GPC6: variants seen among roughly 807,000 people sequenced by gnomAD.
The protein encoded by GPC6 is glypican-6.
In GPC6, 14 loss-of-function variants were observed where a neutral mutation model predicts 55.2. The observed-to-expected ratio is 0.25, with a 90% CI of 0.17 to 0.40. GPC6 has a LOEUF of 0.40. GPC6 is among the 10% of genes least tolerant of loss of function. GPC6 has a pLI of 1.00. For missense variants in GPC6, 641 were observed against 708.5 expected (o/e 0.90, Z 1.08); for synonymous variants, 278 against 259.6 (o/e 1.07, Z -0.68).
intron 4 of GPC6, among the ~76,000 whole-genome samples, chr13:94,037,292 A>G (rs1883371877): frequency 6.6e-6 from 1 of 151,960 alleles, no homozygotes. Context: ...TTGGTGACCC[A>G]GTTTAACATG....
chr13:94,023,105 G>A (rs1882764201), intron 3 of GPC6, among the ~76,000 whole-genome samples: 1 of 151,614 alleles, frequency 6.6e-6, no homozygotes, highest in African/African-American at 2.4e-5. Flanking sequence ...TTCTAAAGAG[G>A]GATTGTGTTC....
chr13:93,710,688 TCCC>T (rs150119808), intron 2 of GPC6, among the ~76,000 whole-genome samples: 1 of 141,238 alleles, frequency 7.1e-6, no homozygotes, highest in African/African-American at 2.7e-5. Context: ...TCATTTAAAG[TCCC>T]CCCCCCCAAA....
chr13:94,096,416 A>C (rs1885660196), intron 4 of GPC6, among the ~76,000 whole-genome samples: 1 of 152,134 alleles, frequency 6.6e-6, no homozygotes, highest in Non-Finnish European at 1.5e-5. Context: ...TAATGAATGA[A>C]TCCTGCCCTT....
intron 4 of GPC6, among the ~76,000 whole-genome samples, chr13:94,102,263 G>A (rs1885891413): frequency 6.6e-6 from 1 of 152,096 alleles, no homozygotes; most frequent in East Asian, 1.9e-4. Context: ...TCCCAAAGCT[G>A]TGTTTAGGTA....
At chr13:94,359,715 C>A (rs924367355) in intron 6 of GPC6, among the ~76,000 whole-genome samples, 1 of 151,892 alleles carries the variant, frequency 6.6e-6, no homozygotes, top group Non-Finnish European at 1.5e-5. Context: ...TGCTTAGCTA[C>A]CAAATCTATT....
chr13:94,318,664 T>C (rs1354616317), intron 6 of GPC6, among the ~76,000 whole-genome samples: 2 of 152,190 alleles, frequency 1.3e-5, no homozygotes, highest in African/African-American at 4.8e-5. Context: ...ATTTTTGAAC[T>C]GCATTTGAAA....
At chr13:93,338,724 A>G (rs1880129649) in intron 1 of GPC6, among the ~76,000 whole-genome samples, 1 of 152,130 alleles carries the variant, frequency 6.6e-6, no homozygotes, top group Non-Finnish European at 1.5e-5. Flanking sequence ...ATGAATGATT[A>G]CCTCTGAATT....
At chr13:93,542,955 T>A (rs562733729) in intron 1 of GPC6, among the ~76,000 whole-genome samples, 3 of 152,314 alleles carry the variant, frequency 2.0e-5, no homozygotes, top group African/African-American at 7.2e-5. Flanking sequence ...AGATATACAG[T>A]CATGTCTTCT....
intron 1 of GPC6, among the ~76,000 whole-genome samples, chr13:93,400,412 AATC>A (rs778187782): frequency 6.6e-6 from 1 of 151,874 alleles, no homozygotes; most frequent in Non-Finnish European, 1.5e-5. Context: ...GGATGAAATA[AATC>A]ATCATAGAAA....
intron 3 of GPC6, among the ~76,000 whole-genome samples, chr13:93,942,134 T>C (rs1457008816): frequency 6.6e-6 from 1 of 152,202 alleles, no homozygotes; most frequent in East Asian, 1.9e-4. Context: ...CCCTAATTCA[T>C]GGTAGTAGAA....
intron 4 of GPC6, among the ~76,000 whole-genome samples, chr13:94,073,141 G>A (rs528514966): frequency 1.3e-5 from 2 of 152,204 alleles, no homozygotes; most frequent in African/African-American, 4.8e-5. Context: ...CATCTGCATT[G>A]AATGGCCAAA....
At chr13:93,610,871 G>A (rs933557264) in intron 2 of GPC6, among the ~76,000 whole-genome samples, 1 of 151,898 alleles carries the variant, frequency 6.6e-6, no homozygotes. Flanking sequence ...TTATGATTGG[G>A]AAAACACTCA....
At chr13:93,899,393 G>A (rs986044963) in intron 3 of GPC6, among the ~76,000 whole-genome samples, 6 of 151,486 alleles carry the variant, frequency 4.0e-5, no homozygotes, top group Admixed American at 2.6e-4. Flanking sequence ...GAACCAGAGT[G>A]AAACTTAAGC....
chr13:93,702,573 C>A (rs527421741), intron 2 of GPC6, among the ~76,000 whole-genome samples: 1 of 152,102 alleles, frequency 6.6e-6, no homozygotes, highest in East Asian at 1.9e-4. Context: ...CTGTGAATGT[C>A]CTCGATGGCA....
intron 4 of GPC6, among the ~76,000 whole-genome samples, chr13:94,112,349 C>G (rs1401072278): frequency 6.6e-6 from 1 of 152,140 alleles, no homozygotes; most frequent in African/African-American, 2.4e-5. Context: ...AATCTACCGC[C>G]TTCCTTGTAA....
intron 6 of GPC6, among the ~76,000 whole-genome samples, chr13:94,325,504 C>T (rs1001622885): frequency 6.6e-6 from 1 of 152,194 alleles, no homozygotes; most frequent in African/African-American, 2.4e-5. Context: ...TTTATAAGCG[C>T]TTCCTATATA....
At chr13:93,813,955 C>G (rs1331522074) in intron 2 of GPC6, among the ~76,000 whole-genome samples, 1 of 151,984 alleles carries the variant, frequency 6.6e-6, no homozygotes, top group Non-Finnish European at 1.5e-5. Flanking sequence ...AATGTTTTAT[C>G]TCTTACTCTT....
intron 1 of GPC6, among the ~76,000 whole-genome samples, chr13:93,293,954 T>C (rs1204510688): frequency 6.6e-6 from 1 of 152,228 alleles, no homozygotes; most frequent in Non-Finnish European, 1.5e-5. Context: ...TCGTCCATTG[T>C]AATGATCCCT....
intron 4 of GPC6, among the ~76,000 whole-genome samples, chr13:94,073,139 T>C (rs559862149): frequency 6.6e-6 from 1 of 152,236 alleles, no homozygotes; most frequent in South Asian, 2.1e-4. Context: ...GACATCTGCA[T>C]TGAATGGCCA....
Sources: gnomAD v4.1 joint callset for allele counts (sites outside exome capture counted in the v4.1 genomes callset) on GRCh38, gnomAD v4.1.1 for gene constraint, MANE v1.5 for transcripts, NCBI Gene and HGNC (gene_info 2026-07-23, HGNC 2026-07-21) for gene names.